The following TRRAP variants were observed in gnomAD, a reference collection of about 807,000 sequenced individuals.
The protein encoded by TRRAP is transformation/transcription domain associated protein.
Under a neutral mutation model 438.8 loss-of-function variants are expected in TRRAP, and 41 were observed. The observed-to-expected ratio is 0.09, with a 90% CI of 0.07 to 0.12. The LOEUF (loss-of-function observed/expected upper bound fraction) is 0.12, where lower values mean the gene tolerates loss of function less well. Ranked by LOEUF, TRRAP falls within the 10% of genes least tolerant of loss-of-function variation. TRRAP has a pLI of 1.00. For synonymous variants in TRRAP, 1,994 were observed against 1,962.9 expected (o/e 1.02, Z -0.42); for missense variants, 3,122 against 5,055.1 (o/e 0.62, Z 11.60).
intron 62 of TRRAP, among the ~76,000 whole-genome samples, chr7:98,985,563 C>G (rs1793112659): frequency 6.6e-6 from 1 of 152,150 alleles, no homozygotes; most frequent in Non-Finnish European, 1.5e-5. Context: ...GCTGTCTAGC[C>G]CATCGCAGGA....
In TRRAP at chr7:98,904,936, T is replaced by G. The variant is rs1027136463; in HGVS notation, c.1037-1241T>G. On this transcript the variant is annotated intron_variant, in intron 12 of 72. Coordinates refer to ENST00000456197, the MANE Select transcript of TRRAP (RefSeq NM_001375524.1). The stretch of plus-strand genomic sequence containing the variant: ...TACTTTTTTGGCACCTGCAACGTTA[T>G]CAAGTGGTAACTCATTTTCACTCAT... 2.0e-5 allele frequency among the ~76,000 whole-genome samples: 3 copies of G among 152,204 alleles called. No homozygotes were observed. The South Asian group carries it at 6.2e-4, about 31-fold the overall frequency.
In TRRAP at chr7:98,956,272, A is replaced by G. The variant is rs1213447853; in HGVS notation, c.6064A>G (p.Lys2022Glu). The change falls in exon 42 of 73, where the codon AAG becomes GAG. Residue 2022 changes from lysine to glutamate, a missense_variant. By Grantham distance (56) the Lys-to-Glu change is moderately conservative (BLOSUM62 1). Coordinates refer to ENST00000456197, the MANE Select transcript of TRRAP (RefSeq NM_001375524.1). This position sits in a 1 kb window ranked among gnomAD's most constrained non-coding sequence, Gnocchi z 4.5. ...CGTGGACCTGTCTGAAGTCGTCATC[A>G]AGTGGGAGCTGCAGAGGATCAAGGA... ...LAVDLSEVVIKWELQRIKDQQ... is the reference protein window; with the variant it reads ...LAVDLSEVVIEWELQRIKDQQ... 2 of 1,614,208 alleles carry G rather than the reference A, an allele frequency of 1.2e-6. No individual in the cohort carries two copies. The highest frequency in any genetic ancestry group is 8.5e-7 in the Non-Finnish European group (1 of 1,180,040).
chr7:98,961,000 C>CA (rs1562961262), intron 45 of TRRAP, among the ~76,000 whole-genome samples: 2 of 152,096 alleles, frequency 1.3e-5, no homozygotes, highest in East Asian at 3.9e-4. Flanking sequence ...AGAATTTTAC[C>CA]AATTTCAAAA....
At chr7:98,881,001 C>T (rs1356915582) in intron 1 of TRRAP, 89 bp from the exon 2 acceptor site, 1 of 483,742 alleles carries the variant, frequency 2.1e-6, no homozygotes. Flanking sequence ...GAAAGCGTAT[C>T]GATTATGTAG....
At chr7:98,937,591 T>C in intron 29 of TRRAP, 59 bp from the exon 30 acceptor site, 1 of 1,502,526 alleles carries the variant, frequency 6.7e-7, no homozygotes, top group South Asian at 1.4e-5. Flanking sequence ...ATGAGTTCTG[T>C]TCTATTATGA....
At chr7:98,938,041 G>A (rs1463068921) in intron 30 of TRRAP, among the ~76,000 whole-genome samples, 1 of 152,174 alleles carries the variant, frequency 6.6e-6, no homozygotes, top group Non-Finnish European at 1.5e-5. Flanking sequence ...TGGTGTGGCA[G>A]CGTGCATCTG....
intron 10 of TRRAP, among the ~76,000 whole-genome samples, chr7:98,900,015 G>A (rs943325268): frequency 2.6e-5 from 4 of 152,166 alleles, no homozygotes; most frequent in Admixed American, 2.0e-4. Flanking sequence ...AGGCATTACC[G>A]TGCTCAATGA....
At chr7:98,987,944 T>A (rs917979923) in intron 62 of TRRAP, among the ~76,000 whole-genome samples, 1 of 152,250 alleles carries the variant, frequency 6.6e-6, no homozygotes, top group Non-Finnish European at 1.5e-5. Context: ...TGTGTTTTTT[T>A]TCCTTCATTG....
At chr7:98,917,386 C>A (rs782076926) in intron 19 of TRRAP, 37 bp from the exon 20 acceptor site, 14 of 1,600,440 alleles carry the variant, frequency 8.7e-6, no homozygotes, top group East Asian at 2.2e-5. Context: ...GTCTGGGGAG[C>A]GTCTTCCCTC....
chr7:98,921,953 G>A lies in TRRAP; in HGVS notation c.2823G>A (p.Lys941=). The A allele has an allele frequency of 6.2e-7, 1 of 1,614,210 alleles. No individual in the cohort carries two copies. The highest frequency in any genetic ancestry group is 8.5e-7 in the Non-Finnish European group (1 of 1,180,038). ...CTTCTCTCCAGCTCCCCATGGAGAA[G>A]GTAAGCTCTGTGACAATGTCGTTTC... ...CKASLQLPME[K]AIETALDCLK... The change falls in exon 21 of 73, where the codon AAG becomes AAA. Residue 941 remains lysine, a splice_region_variant and synonymous_variant. Transcript: ENST00000456197.
rs1554412999 is a variant in TRRAP at position 98,931,776 on chromosome 7, T to TG, written c.3852+115dup. ...TTATAATTTTGTGTCTTGGTATCTG[T>TG]GGGGCCTTGGTTCCAGGACCCTGCG... On this transcript the variant is annotated intron_variant, in intron 26 of 72. Transcript: ENST00000456197. 4 of 1,463,346 alleles carry TG rather than the reference T, an allele frequency of 2.7e-6. No individual in the cohort carries two copies. The Admixed American group carries it at 8.9e-5, about 32-fold the overall frequency. The allele number at this position is 1,463,346 out of a possible 1,614,324, so 90.6% of individuals were successfully genotyped here. A position where few individuals can be genotyped will look rare whatever the true frequency, so the allele number is the denominator to read the frequency against.
chr7:98,905,266 C>T (rs1157192505), intron 12 of TRRAP, among the ~76,000 whole-genome samples: 2 of 152,148 alleles, frequency 1.3e-5, no homozygotes, highest in Non-Finnish European at 2.9e-5. Flanking sequence ...GCTGTTCCTC[C>T]GTGTGCTGCC....
chr7:98,995,567 T>C (rs1368149852), intron 67 of TRRAP, among the ~76,000 whole-genome samples: 2 of 151,990 alleles, frequency 1.3e-5, no homozygotes, highest in Non-Finnish European at 2.9e-5. Flanking sequence ...GCCTCTTATG[T>C]TGTGATGTGA....
chr7:98,892,430 C>T lies in TRRAP; in HGVS notation c.268C>T (p.Arg90Trp), dbSNP rs1554405069. ...FLQEKPAQQL[R>W]KLVLEIIHRI... ...ATTTATTTTTTCTTGCCAGCAACTG[C>T]GGAAGCTCGTACTTGAAATAATTCA... Residue 90 changes from arginine to tryptophan, a missense_variant, in exon 5 of 73, where the codon CGG becomes TGG. By Grantham distance (101) the Arg-to-Trp change is moderately radical (BLOSUM62 -3). Coordinates refer to ENST00000456197, the MANE Select transcript of TRRAP (RefSeq NM_001375524.1). 1 of 1,609,720 alleles carries T rather than the reference C, an allele frequency of 6.2e-7. No individual in the cohort carries two copies. The highest frequency in any genetic ancestry group is 8.5e-7 in the Non-Finnish European group (1 of 1,178,792).
chr7:98,951,568 G>A (rs1435408424), intron 39 of TRRAP, among the ~76,000 whole-genome samples: 1 of 152,196 alleles, frequency 6.6e-6, no homozygotes, highest in African/African-American at 2.4e-5. Flanking sequence ...AAGGTTTACT[G>A]TATTGATCTT....
At position 98,977,043 on chromosome 7, in the gene TRRAP, G is replaced by A. The variant is rs267601662; in HGVS notation, c.8352G>A (p.Ala2784=). Residue 2784 remains alanine (A), a synonymous_variant, in exon 56 of 73, where the codon GCG becomes GCA. Transcript: ENST00000456197. The stretch of plus-strand genomic sequence containing the variant: ...GCAAGTACTCGGAGACAGCGACTGC[G>A]ATTGCTTACGAGCAGCACGGGTTCT... ...KRCKYSETAT[A]IAYEQHGFFE... 6.2e-6 allele frequency: 10 copies of A among 1,614,124 alleles called. No individual in the cohort carries two copies. Among genetic ancestry groups the A allele is most frequent in the Admixed American group, 1.7e-5 (1 of 60,008 alleles).
intron 40 of TRRAP, 100 bp downstream of exon 40, chr7:98,953,533 C>T (rs1264046290): frequency 6.7e-7 from 1 of 1,486,214 alleles, no homozygotes; most frequent in Non-Finnish European, 9.0e-7. Flanking sequence ...TGTCTTCTCC[C>T]AAAACCAATA....
chr7:98,914,301 G>A (rs1024916184), intron 18 of TRRAP, among the ~76,000 whole-genome samples: 1 of 152,000 alleles, frequency 6.6e-6, no homozygotes, highest in Non-Finnish European at 1.5e-5. Context: ...TCAGGAAGCC[G>A]AAGAGAGAGG....
Position 98,881,095 on chromosome 7 carries a change from T to G in TRRAP, c.-56T>G, listed in dbSNP as rs1584259399. ...CTCTATGCTTCTTTTCATAGGCTGGTTGAACTCATGGACCTGATACTTTTC... is the reference window on the plus strand; with the variant it reads ...CTCTATGCTTCTTTTCATAGGCTGGGTGAACTCATGGACCTGATACTTTTC... On this transcript the variant is annotated 5_prime_UTR_variant, in exon 2 of 73. Transcript: ENST00000456197. The G allele has an allele frequency of 4.8e-6, 7 of 1,470,138 alleles. No homozygotes were observed. The highest frequency in any genetic ancestry group is 1.9e-6 in the Non-Finnish European group (2 of 1,075,422). The allele number at this position is 1,470,138 out of a possible 1,614,324, so 91.1% of individuals were successfully genotyped here.
Sources: allele counts gnomAD v4.1 joint callset (sites outside exome capture counted in the v4.1 genomes callset), GRCh38; gene constraint gnomAD v4.1.1; non-coding constraint Gnocchi (gnomAD v3.1); transcripts MANE v1.5; gene names NCBI Gene and HGNC (gene_info 2026-07-23, HGNC 2026-07-21).